Variants in PIK3R3 observed in about 807,000 individuals in gnomAD.
PIK3R3 encodes phosphatidylinositol 3-kinase regulatory subunit gamma.
PIK3R3 carries 64 observed loss-of-function variants against 62.9 expected under a neutral mutation model. The observed-to-expected ratio is 1.02, with a 90% CI of 0.83 to 1.25. The LOEUF (loss-of-function observed/expected upper bound fraction) is 1.25. Ranked by LOEUF, PIK3R3 falls within the 50% of genes most tolerant of loss-of-function variation. The probability of loss-of-function intolerance (pLI) is 0.00; values close to 1 mark genes in which losing one functional copy is unlikely to be tolerated. For synonymous variants in PIK3R3, 165 were observed against 189.0 expected, an observed-to-expected ratio of 0.87 and a Z score of 1.04; for missense variants, 614 against 561.6, an observed-to-expected ratio of 1.09 and a Z score of -0.94.
chr1:46,083,207 A>C (rs1650765043), intron 1 of PIK3R3, among the ~76,000 whole-genome samples: 1 of 152,270 alleles, frequency 6.6e-6, no homozygotes, highest in Admixed American at 6.5e-5. Context: ...ATCCACATGC[A>C]AAAAGAATGA....
chr1:46,061,421 T>C (rs1167896647), intron 6 of PIK3R3, among the ~76,000 whole-genome samples: 1 of 152,220 alleles, frequency 6.6e-6, no homozygotes. Context: ...CTGCCTACAG[T>C]CTTGTTCTAC....
upstream of PIK3R3, chr1:46,132,930 C>A (rs1655754979): frequency 8.6e-7 from 1 of 1,163,426 alleles, no homozygotes; most frequent in Non-Finnish European, 1.1e-6. Context: ...ACGATCCGGG[C>A]GCTGGCCGCA....
At chr1:46,054,019 T>C (rs1315861215) in intron 7 of PIK3R3, among the ~76,000 whole-genome samples, 4 of 152,176 alleles carry the variant, frequency 2.6e-5, no homozygotes, top group Non-Finnish European at 4.4e-5. Context: ...TTGGCCACAA[T>C]AGCAAACTAA....
In PIK3R3 at chr1:46,049,164, TA is replaced by T. The variant is rs57804445; in HGVS notation, c.942-2540del. On this transcript the variant is annotated intron_variant, in intron 7 of 9. Coordinates refer to ENST00000262741, the MANE Select transcript of PIK3R3 (RefSeq NM_003629.4). ...TCTCTTTGGCCCAGCAATCTCTTCTTAAAAAAAAAAAAAAAGGAAAATACTA... is the reference window on the plus strand; with the variant it reads ...TCTCTTTGGCCCAGCAATCTCTTCTTAAAAAAAAAAAAAAGGAAAATACTA... 8.6e-3 allele frequency among the ~76,000 whole-genome samples: 1,180 copies of T among 136,834 alleles called. 13 individuals are homozygous for T. The highest frequency in any genetic ancestry group is 0.026 in the African/African-American group (952 of 36,886). The allele number at this position is 136,834 out of a possible 152,430, so 89.8% of individuals were successfully genotyped here.
the PIK3R3 span, among the ~76,000 whole-genome samples, chr1:46,146,860 T>G: frequency 1.3e-5 from 2 of 152,148 alleles, no homozygotes; most frequent in Non-Finnish European, 2.9e-5. Context: ...AAGCCTGGTA[T>G]TCAAGACAGG....
At chr1:46,146,286 G>A in the PIK3R3 span, among the ~76,000 whole-genome samples, 1 of 152,138 alleles carries the variant, frequency 6.6e-6, no homozygotes, top group Admixed American at 6.5e-5. Flanking sequence ...ACAGAAGCAG[G>A]GATGCAGCTT....
intron 1 of PIK3R3, among the ~76,000 whole-genome samples, chr1:46,108,040 T>G (rs1056448381): frequency 3.9e-5 from 6 of 152,218 alleles, no homozygotes; most frequent in South Asian, 4.1e-4. Flanking sequence ...CAAATAATTG[T>G]CTTCATGTGA....
At chr1:46,117,941 G>C (rs1208720532) in intron 1 of PIK3R3, among the ~76,000 whole-genome samples, 1 of 151,882 alleles carries the variant, frequency 6.6e-6, no homozygotes, top group African/African-American at 2.4e-5. Flanking sequence ...AGGTGTGGTA[G>C]TGCACGCCTG....
the PIK3R3 span, among the ~76,000 whole-genome samples, chr1:46,147,530 G>A: frequency 6.6e-6 from 1 of 152,192 alleles, no homozygotes; most frequent in Non-Finnish European, 1.5e-5. Context: ...CCATTCTCCT[G>A]CCTCAGCCTC....
At chr1:46,103,541 C>A (rs763638041) in intron 1 of PIK3R3, among the ~76,000 whole-genome samples, 28 of 151,850 alleles carry the variant, frequency 1.8e-4, no homozygotes, top group Admixed American at 6.6e-5. Flanking sequence ...TGCACTCTAG[C>A]CTGGGCAACA....
chr1:46,062,199 G>T, intron 5 of PIK3R3, 128 bp from the exon 6 acceptor site: 1 of 714,436 alleles, frequency 1.4e-6, no homozygotes, highest in Non-Finnish European at 2.2e-6. Flanking sequence ...TCTTTCAAAA[G>T]TCTTCTCCTT....
the PIK3R3 span, among the ~76,000 whole-genome samples, chr1:46,146,696 C>T: frequency 4.0e-4 from 10 of 25,082 alleles, no homozygotes; most frequent in African/African-American, 1.3e-3. Flanking sequence ...TACACACACA[C>T]ACACACACAC....
chr1:46,156,336 T>C, the PIK3R3 span, among the ~76,000 whole-genome samples: 1 of 151,780 alleles, frequency 6.6e-6, no homozygotes, highest in Non-Finnish European at 1.5e-5. Context: ...GGTGCACACC[T>C]GTAATCCCAG....
chr1:46,144,221 G>A, the PIK3R3 span, among the ~76,000 whole-genome samples: 4 of 152,184 alleles, frequency 2.6e-5, no homozygotes, highest in African/African-American at 9.7e-5. Flanking sequence ...AGTTGCAAAG[G>A]AAGCCGGTCT....
At chr1:46,171,646 C>T in the PIK3R3 span, among the ~76,000 whole-genome samples, 14 of 152,010 alleles carry the variant, frequency 9.2e-5, no homozygotes, top group African/African-American at 2.7e-4. Context: ...GCTGTCTGTT[C>T]GTGCCCTTAC....
At chr1:46,155,821 A>G in the PIK3R3 span, among the ~76,000 whole-genome samples, 3 of 152,156 alleles carry the variant, frequency 2.0e-5, no homozygotes, top group Admixed American at 2.0e-4. Flanking sequence ...ACGATTGGGA[A>G]AAAATCTCAA....
chr1:46,102,803 T>TAAAAAAAAAAAAAAAAA (rs33975572), intron 1 of PIK3R3, among the ~76,000 whole-genome samples: 1 of 55,766 alleles, frequency 1.8e-5, no homozygotes, highest in Non-Finnish European at 3.0e-5. Flanking sequence ...GTATATATCT[T>TAAAAAAAAAAAAAAAAA]AAAAAAAAAA....
chr1:46,123,160 T>C (rs2149470483), intron 1 of PIK3R3, among the ~76,000 whole-genome samples: 1 of 152,342 alleles, frequency 6.6e-6, no homozygotes, highest in East Asian at 1.9e-4. Flanking sequence ...ATTATATTCA[T>C]GAAATAATTA....
intron 1 of PIK3R3, among the ~76,000 whole-genome samples, chr1:46,098,105 C>T (rs572819704): frequency 6.6e-6 from 1 of 152,098 alleles, no homozygotes; most frequent in East Asian, 1.9e-4. Flanking sequence ...TAGCAATGAA[C>T]AATCCAAAAA....
Sources: allele counts gnomAD v4.1 joint callset (sites outside exome capture counted in the v4.1 genomes callset), GRCh38; gene constraint gnomAD v4.1.1; transcripts MANE v1.5; gene names NCBI Gene and HGNC (gene_info 2026-07-23, HGNC 2026-07-21).